The following ARID4B variants were observed in gnomAD, a reference collection of about 807,000 sequenced individuals.
ARID4B encodes the protein AT-rich interactive domain-containing protein 4B.
ARID4B carries 26 observed loss-of-function variants against 147.5 expected under a neutral mutation model. That is an observed-to-expected ratio of 0.18 (90% confidence interval 0.13 to 0.24). The LOEUF is 0.24. Among genes scored for constraint, ARID4B ranks in the 10% least tolerant of loss-of-function variants. ARID4B has a pLI of 1.00. For missense variants in ARID4B, 1,179 were observed against 1,511.5 expected (o/e 0.78, Z 3.65); for synonymous variants, 512 against 507.9 (o/e 1.01, Z -0.11).
rs566410089 is a variant in ARID4B, at chr1:235,246,269, C to T, written c.446+151G>A. ...GCTGAGCATGGAGAACCTCAATCAC[C>T]CATGCTGAGGAGTCTGAAATTACTA... On this transcript the variant is annotated intron_variant, in intron 7 of 23. Transcript: ENST00000264183. The T allele has an allele frequency of 2.1e-4, 123 of 595,978 alleles. No individual in the cohort carries two copies. The African/African-American group carries it at 2.2e-3, about 11-fold the overall frequency. 36.9% of individuals were successfully genotyped at this position (595,978 alleles called of 1,614,324 possible). A position where few individuals can be genotyped will look rare whatever the true frequency, so the allele number is the denominator to read the frequency against.
chr1:235,305,530 G>A (rs1463882856), intron 2 of ARID4B, among the ~76,000 whole-genome samples: 1 of 152,154 alleles, frequency 6.6e-6, no homozygotes, highest in Non-Finnish European at 1.5e-5. Context: ...AGTAGTTTAG[G>A]TTTAAATCCT....
chr1:235,260,802 CATA>C (rs751871463), intron 2 of ARID4B, 50 bp from the exon 3 acceptor site: 2 of 1,287,378 alleles, frequency 1.6e-6, no homozygotes, highest in Non-Finnish European at 2.2e-6. Flanking sequence ...AATTCTTTCC[CATA>C]ATCAGACCTC....
intron 16 of ARID4B, among the ~76,000 whole-genome samples, chr1:235,216,253 A>T (rs958778704): frequency 7.9e-5 from 12 of 152,074 alleles, no homozygotes; most frequent in African/African-American, 1.7e-4. Flanking sequence ...ATAAGTATTT[A>T]AAAAATCTAA....
intron 2 of ARID4B, among the ~76,000 whole-genome samples, chr1:235,265,365 CAA>C (rs1186110256): frequency 4.6e-5 from 6 of 129,724 alleles, no homozygotes; most frequent in Non-Finnish European, 5.0e-5. Flanking sequence ...GACTCCATTT[CAA>C]AAAAAAAAAA....
chr1:235,251,268 A>G (rs1164325252), intron 6 of ARID4B, among the ~76,000 whole-genome samples: 1 of 152,122 alleles, frequency 6.6e-6, no homozygotes. Context: ...GAAGTGCAAA[A>G]CGACCAATTT....
chr1:235,293,267 A>AT (rs1672460178), intron 2 of ARID4B, among the ~76,000 whole-genome samples: 1 of 152,166 alleles, frequency 6.6e-6, no homozygotes, highest in Non-Finnish European at 1.5e-5. Flanking sequence ...TTCCTCTCTT[A>AT]TTTTTTACTA....
intron 19 of ARID4B, among the ~76,000 whole-genome samples, chr1:235,185,037 G>A (rs917628397): frequency 2.6e-5 from 4 of 152,058 alleles, no homozygotes; most frequent in South Asian, 2.1e-4. Flanking sequence ...GGCTGATCTC[G>A]AACTCTTGAC....
intron 16 of ARID4B, among the ~76,000 whole-genome samples, chr1:235,214,484 C>G (rs890006233): frequency 6.6e-6 from 1 of 152,110 alleles, no homozygotes; most frequent in Admixed American, 6.6e-5. Context: ...GAGACAGAGT[C>G]TTGCTCTGTC....
rs529919123 is a variant in ARID4B at position 235,195,579 on chromosome 1, G to A, written c.1926+452C>T. Reference sequence around the variant, plus strand: ...TGTACTCCAGCCTGGGCAACAGAGCGAGACTCTGTCTCCAAAAAAAAAAAA... The same window carrying A: ...TGTACTCCAGCCTGGGCAACAGAGCAAGACTCTGTCTCCAAAAAAAAAAAA... On this transcript the variant is annotated intron_variant, in intron 18 of 23. Transcript: ENST00000264183. Among the ~76,000 whole-genome samples the A allele has an allele frequency of 4.7e-4, 70 of 149,430 alleles. 1 individual carries two copies. The highest frequency in any genetic ancestry group is 1.6e-3 in the African/African-American group (66 of 40,246).
intron 2 of ARID4B, chr1:235,295,903 A>G (rs962048613): frequency 3.3e-5 from 5 of 152,830 alleles, no homozygotes; most frequent in African/African-American, 1.2e-4. Context: ...TGCTCTCCCA[A>G]CGTCAAAGCC....
At chr1:235,177,119 G>A (rs550965879) in intron 21 of ARID4B, among the ~76,000 whole-genome samples, 3 of 152,208 alleles carry the variant, frequency 2.0e-5, no homozygotes, top group Admixed American at 6.5e-5. Flanking sequence ...TTGTAGACTG[G>A]AGTTGTTGGA....
intron 1 of ARID4B, chr1:235,327,292 T>G: frequency 1.3e-5 from 2 of 159,422 alleles, no homozygotes; most frequent in East Asian, 1.7e-4. Context: ...CGCTCTCCCC[T>G]AGGGCCTCGG....
chr1:235,173,537 T>A (rs1663521934), intron 22 of ARID4B, among the ~76,000 whole-genome samples: 1 of 150,924 alleles, frequency 6.6e-6, no homozygotes, highest in Non-Finnish European at 1.5e-5. Flanking sequence ...TCTAAAGCAA[T>A]CTTCAATCTC....
intron 7 of ARID4B, among the ~76,000 whole-genome samples, chr1:235,241,993 C>T (rs895973252): frequency 4.6e-5 from 7 of 151,846 alleles, no homozygotes; most frequent in East Asian, 1.9e-4. Flanking sequence ...AAGTATTGTA[C>T]TCCCAGCACT....
chr1:235,280,353 T>C (rs547511029), intron 2 of ARID4B, among the ~76,000 whole-genome samples: 2 of 152,368 alleles, frequency 1.3e-5, no homozygotes, highest in Admixed American at 6.5e-5. Flanking sequence ...CAAGGGAAAT[T>C]GGTATGTTGT....
chr1:235,326,788 G>T, intron 2 of ARID4B, 126 bp downstream of exon 2: 1 of 1,251,636 alleles, frequency 8.0e-7, no homozygotes, highest in Non-Finnish European at 1.2e-6. Context: ...GGAAGGGCTC[G>T]GTCACCAAGT....
intron 13 of ARID4B, 49 bp from the exon 14 acceptor site, chr1:235,221,711 T>A: frequency 1.9e-6 from 2 of 1,043,192 alleles, no homozygotes; most frequent in Non-Finnish European, 3.0e-6. Flanking sequence ...GGTGTTAATA[T>A]AATAACATTT....
chr1:235,196,867 A>AG (rs1051933402), intron 17 of ARID4B, among the ~76,000 whole-genome samples: 8 of 151,470 alleles, frequency 5.3e-5, no homozygotes, highest in Non-Finnish European at 1.0e-4. Context: ...AAAAAAAAAA[A>AG]AAAAGAAATA....
chr1:235,287,454 A>G (rs1437449721), intron 2 of ARID4B, among the ~76,000 whole-genome samples: 2 of 152,172 alleles, frequency 1.3e-5, no homozygotes, highest in African/African-American at 4.8e-5. Context: ...GAACAGTCTC[A>G]TTGTGTGTTC....
Sources: allele counts gnomAD v4.1 joint callset (sites outside exome capture counted in the v4.1 genomes callset), GRCh38; gene constraint gnomAD v4.1.1; transcripts MANE v1.5; gene names NCBI Gene and HGNC (gene_info 2026-07-23, HGNC 2026-07-21).